PCDH15: variants seen among roughly 807,000 people sequenced by gnomAD.
The protein encoded by PCDH15 is protocadherin-15.
Under a neutral mutation model 178.5 loss-of-function variants are expected in PCDH15, and 129 were observed. That is an observed-to-expected ratio of 0.72 (90% CI 0.63 to 0.84). PCDH15 has a LOEUF of 0.84. PCDH15 is among the 40% of genes least tolerant of loss of function. The pLI is 0.00. For synonymous variants in PCDH15, 800 were observed against 732.0 expected, an observed-to-expected ratio of 1.09 and a Z score of -1.50; for missense variants, 2,230 against 2,099.9, an observed-to-expected ratio of 1.06 and a Z score of -1.21.
At position 55,426,320 on chromosome 10, in the gene PCDH15, A is replaced by C. The variant is rs531024827; in HGVS notation, c.-156+201305T>G. 5.3e-5 allele frequency among the ~76,000 whole-genome samples: 8 copies of C among 152,238 alleles called. No individual in the cohort carries two copies. In the East Asian group the frequency reaches 1.5e-3, roughly 29 times the overall value. On this transcript the variant is annotated intron_variant, in intron 2 of 5. Coordinates refer to the PCDH15 transcript ENST00000613346. ...CCTGAGCCAGTGAGGCGTGAACAGG[A>C]GTACACCAGCGTTTGAGCCATCTGG...
intron 2 of PCDH15, among the ~76,000 whole-genome samples, chr10:55,023,402 T>A (rs2131957362): frequency 6.6e-6 from 1 of 152,342 alleles, no homozygotes; most frequent in East Asian, 1.9e-4. Context: ...AAAAACATTT[T>A]AATATTTAAT....
chr10:54,578,994 G>A (rs74136217), intron 2 of PCDH15, among the ~76,000 whole-genome samples: 8,994 of 151,996 alleles, frequency 0.059, 345 homozygotes, highest in South Asian at 0.14. Context: ...CAACCTCAGC[G>A]GAGTCCTAAA....
upstream of PCDH15, among the ~76,000 whole-genome samples, chr10:55,324,084 C>A (rs1207800879): frequency 6.6e-6 from 1 of 152,030 alleles, no homozygotes; most frequent in Non-Finnish European, 1.5e-5. Flanking sequence ...GTAAGACATG[C>A]CTTTGCTTCT....
At chr10:54,560,053 A>T (rs7087964) in intron 2 of PCDH15, among the ~76,000 whole-genome samples, 55,439 of 151,686 alleles carry the variant, frequency 0.37, 10,345 homozygotes, top group East Asian at 0.49. Context: ...AAGGAGTTTA[A>T]CATTGTATTT....
At chr10:54,021,259 C>T (rs1324270081) in intron 19 of PCDH15, among the ~76,000 whole-genome samples, 1 of 151,866 alleles carries the variant, frequency 6.6e-6, no homozygotes, top group Non-Finnish European at 1.5e-5. Flanking sequence ...TACAGAAAAC[C>T]GAATGGAGCA....
intron 3 of PCDH15, among the ~76,000 whole-genome samples, chr10:54,453,620 G>A (rs1437729685): frequency 2.6e-5 from 4 of 151,350 alleles, no homozygotes; most frequent in Admixed American, 6.6e-5. Context: ...AAACCTGTAC[G>A]TTGTGCACAT....
chr10:53,820,715 T>A (rs1249226987), intron 32 of PCDH15, among the ~76,000 whole-genome samples: 2 of 151,958 alleles, frequency 1.3e-5, no homozygotes, highest in African/African-American at 4.8e-5. Flanking sequence ...ATACTAATAT[T>A]GAAAGTATAG....
intron 21 of PCDH15, among the ~76,000 whole-genome samples, chr10:53,974,005 GTTTA>G (rs67640980): frequency 0.7 from 105,347 of 151,226 alleles, 37,090 homozygotes; most frequent in East Asian, 0.87. Context: ...TTTTATATTT[GTTTA>G]TTTGTTTATT....
intron 2 of PCDH15, among the ~76,000 whole-genome samples, chr10:54,987,521 C>T (rs1041835958): frequency 2.6e-5 from 4 of 152,106 alleles, no homozygotes; most frequent in African/African-American, 7.2e-5. Flanking sequence ...GCCTCACCAG[C>T]ATCTATATTT....
intron 2 of PCDH15, among the ~76,000 whole-genome samples, chr10:54,900,793 G>A (rs755593934): frequency 4.6e-5 from 7 of 152,148 alleles, no homozygotes; most frequent in Non-Finnish European, 7.3e-5. Flanking sequence ...CAGTTTCAAT[G>A]TAGTAAACTT....
chr10:54,927,107 T>C (rs1837650385), intron 2 of PCDH15, among the ~76,000 whole-genome samples: 1 of 152,082 alleles, frequency 6.6e-6, no homozygotes, highest in South Asian at 2.1e-4. Context: ...AACACTGCCT[T>C]AGCTGTGTCC....
At chr10:55,219,679 T>C (rs912901623) in intron 1 of PCDH15, among the ~76,000 whole-genome samples, 1 of 151,926 alleles carries the variant, frequency 6.6e-6, no homozygotes, top group Non-Finnish European at 1.5e-5. Context: ...GGAAAATTTA[T>C]AGCAATAATT....
At chr10:55,611,118 C>T (rs746969494) in intron 2 of PCDH15, among the ~76,000 whole-genome samples, 8 of 151,816 alleles carry the variant, frequency 5.3e-5, no homozygotes, top group African/African-American at 1.2e-4. Context: ...TTGGTTTGGG[C>T]GATGATTTCT....
At chr10:55,258,146 C>G (rs972043517) in intron 1 of PCDH15, among the ~76,000 whole-genome samples, 37 of 152,064 alleles carry the variant, frequency 2.4e-4, no homozygotes, top group African/African-American at 8.9e-4. Flanking sequence ...TTAATCTTAT[C>G]ATTGGAATTT....
intron 26 of PCDH15, among the ~76,000 whole-genome samples, chr10:53,875,345 CATAAAT>C (rs1025711835): frequency 3.0e-5 from 4 of 131,462 alleles, no homozygotes; most frequent in Non-Finnish European, 6.7e-5. Context: ...ATAAATAATT[CATAAAT>C]ATATTCTATA....
intron 2 of PCDH15, among the ~76,000 whole-genome samples, chr10:55,438,948 G>C (rs1310938209): frequency 6.6e-6 from 1 of 151,232 alleles, no homozygotes; most frequent in African/African-American, 2.4e-5. Flanking sequence ...ACCCAGGCTG[G>C]AGTGCAGTGG....
At chr10:53,905,370 G>T (rs2082605211) in intron 25 of PCDH15, 1 of 422,688 alleles carries the variant, frequency 2.4e-6, no homozygotes, top group African/African-American at 2.0e-5. Flanking sequence ...GTCTCCCTCT[G>T]TCGCCCAGGC....
At chr10:55,512,345 T>A (rs1840904047) in intron 2 of PCDH15, among the ~76,000 whole-genome samples, 2 of 152,098 alleles carry the variant, frequency 1.3e-5, no homozygotes, top group African/African-American at 2.4e-5. Context: ...TTAAGAATTA[T>A]TTTGTTATTC....
chr10:54,307,016 A>ATGTGTG (rs1564921024), intron 8 of PCDH15, among the ~76,000 whole-genome samples: 7 of 28,990 alleles, frequency 2.4e-4, no homozygotes, highest in Non-Finnish European at 3.3e-4. Flanking sequence ...ATATATATAC[A>ATGTGTG]TATATATATA....
Sources: allele counts gnomAD v4.1 joint callset (sites outside exome capture counted in the v4.1 genomes callset), GRCh38; gene constraint gnomAD v4.1.1; transcripts MANE v1.5; gene names NCBI Gene and HGNC (gene_info 2026-07-23, HGNC 2026-07-21).